R3HDM2: variants seen among roughly 807,000 people sequenced by gnomAD.
R3HDM2 encodes R3H domain-containing protein 2.
In R3HDM2, 38 loss-of-function variants were observed where a neutral mutation model predicts 124.5. The ratio of observed to expected loss-of-function variants is 0.31; its 90% CI spans 0.24 to 0.40. The LOEUF (loss-of-function observed/expected upper bound fraction) is 0.40. Among genes scored for constraint, R3HDM2 ranks in the 10% least tolerant of loss-of-function variants. The probability of loss-of-function intolerance (pLI) is 1.00; values close to 1 mark genes in which losing one functional copy is unlikely to be tolerated. For missense variants in R3HDM2, 869 were observed against 1,236.9 expected, an observed-to-expected ratio of 0.70 and a Z score of 4.46; for synonymous variants, 391 against 448.0, an observed-to-expected ratio of 0.87 and a Z score of 1.61.
At chr12:57,294,082 T>C (rs2049210147) in intron 10 of R3HDM2, among the ~76,000 whole-genome samples, 1 of 152,186 alleles carries the variant, frequency 6.6e-6, no homozygotes, top group South Asian at 2.1e-4. Context: ...GTGGGGATAA[T>C]AACCCCCATC....
rs199693612 is a variant in R3HDM2 at position 57,255,034 on chromosome 12, G to C, written c.2712C>G (p.Leu904=). The part of the protein sequence containing the change: ...RTEADKLFTQ[L]AMSGAKIQWL... Reference sequence around the variant, plus strand: ...ACTGGATCTTGGCGCCAGACATGGCGAGCTGCGTGAAGAGTTTGTCCGCCT... The same window carrying C: ...ACTGGATCTTGGCGCCAGACATGGCCAGCTGCGTGAAGAGTTTGTCCGCCT... The change falls in exon 24 of 24, where the codon CTC becomes CTG. Residue 904 remains leucine, a synonymous_variant. Transcript: ENST00000402412. 18 of 1,613,574 alleles carry C rather than the reference G, an allele frequency of 1.1e-5. No homozygotes were observed. The African/African-American group carries it at 1.7e-4, about 16-fold the overall frequency.
intron 1 of R3HDM2, among the ~76,000 whole-genome samples, chr12:57,401,901 T>G (rs769724491): frequency 6.6e-6 from 1 of 151,180 alleles, no homozygotes; most frequent in Non-Finnish European, 1.5e-5. Flanking sequence ...AGGAGATCAC[T>G]TAGACCCGGG....
chr12:57,272,023 T>C (rs1565899431), intron 14 of R3HDM2, among the ~76,000 whole-genome samples: 1 of 152,088 alleles, frequency 6.6e-6, no homozygotes, highest in Non-Finnish European at 1.5e-5. Context: ...GCCTCTCAAG[T>C]AGCTAGGACT....
At chr12:57,260,322 G>A (rs2040454763) in intron 19 of R3HDM2, among the ~76,000 whole-genome samples, 1 of 138,870 alleles carries the variant, frequency 7.2e-6, no homozygotes, top group Non-Finnish European at 1.5e-5. Flanking sequence ...TGAAATTAGG[G>A]CAATGCCAGC....
chr12:57,410,687 T>C (rs2068931023), intron 1 of R3HDM2, among the ~76,000 whole-genome samples: 1 of 152,140 alleles, frequency 6.6e-6, no homozygotes, highest in Admixed American at 6.6e-5. Context: ...ACCCTGTCTC[T>C]GCAGAAAAAT....
chr12:57,410,302 G>T (rs1594571735), intron 1 of R3HDM2, among the ~76,000 whole-genome samples: 2 of 145,332 alleles, frequency 1.4e-5, no homozygotes, highest in African/African-American at 2.6e-5. Flanking sequence ...ACATTACCAG[G>T]GAGGTAGTAT....
Position 57,256,452 on chromosome 12 carries a change from G to C in R3HDM2, c.2509C>G (p.Pro837Ala). ...TAAGTTGACTGGCCATGGAGCAAGGGAGGGCAGATGGACAGATTGTACTGT... is the reference window on the plus strand; with the variant it reads ...TAAGTTGACTGGCCATGGAGCAAGGCAGGGCAGATGGACAGATTGTACTGT... ...PLQYNLSICP[P>A]LLHGQSTYTV... The change falls in exon 22 of 24, where the codon CCC becomes GCC. Residue 837 changes from proline to alanine, a missense_variant. Around this residue, in one of 2 missense-constraint regions of R3HDM2, gnomAD observed 602 missense variants for 789.2 expected, o/e 0.76. Coordinates refer to ENST00000402412, the MANE Select transcript of R3HDM2 (RefSeq NM_001394031.1). 6.3e-7 allele frequency: 1 copy of C among 1,599,684 alleles called. No homozygotes were observed. Among genetic ancestry groups the C allele is most frequent in the Non-Finnish European group, 8.5e-7 (1 of 1,172,828 alleles).
intron 1 of R3HDM2, among the ~76,000 whole-genome samples, chr12:57,411,375 G>A (rs182972240): frequency 6.6e-6 from 1 of 152,218 alleles, no homozygotes; most frequent in East Asian, 1.9e-4. Context: ...TGTTCACCAG[G>A]CTGGTCTCAA....
intron 2 of R3HDM2, among the ~76,000 whole-genome samples, chr12:57,355,428 C>T (rs1256770539): frequency 3.5e-5 from 5 of 141,980 alleles, no homozygotes; most frequent in African/African-American, 5.3e-5. Context: ...CACTGCACTC[C>T]AGCCTGGGCA....
Position 57,339,749 on chromosome 12 carries a change from G to A in R3HDM2, c.-35-29286C>T, listed in dbSNP as rs73133366. 7.7e-3 allele frequency among the ~76,000 whole-genome samples: 1,173 copies of A among 152,006 alleles called. 3 individuals carry two copies. Among genetic ancestry groups the A allele is most frequent in the Middle Eastern group, 0.021 (6 of 292 alleles). Reference sequence around the variant, plus strand: ...GGAGAAGCTGTTAACAGTGAGAGCTGTTAAGGGAGTGGGCTAGGAGAGGAA... The same window carrying A: ...GGAGAAGCTGTTAACAGTGAGAGCTATTAAGGGAGTGGGCTAGGAGAGGAA... On this transcript the variant is annotated intron_variant, in intron 2 of 23. Transcript: ENST00000402412.
intron 1 of R3HDM2, among the ~76,000 whole-genome samples, chr12:57,401,722 G>A (rs1479417470): frequency 6.6e-6 from 1 of 152,164 alleles, no homozygotes; most frequent in Non-Finnish European, 1.5e-5. Context: ...AGTGGCTCAT[G>A]CCTGTAATCC....
chr12:57,360,576 T>C (rs975839390), intron 2 of R3HDM2, among the ~76,000 whole-genome samples: 6 of 151,226 alleles, frequency 4.0e-5, no homozygotes, highest in Non-Finnish European at 5.9e-5. Context: ...GAGCCCTCAT[T>C]ATGCCACTGT....
At chr12:57,355,116 G>T (rs892688014) in intron 2 of R3HDM2, among the ~76,000 whole-genome samples, 9 of 150,960 alleles carry the variant, frequency 6.0e-5, no homozygotes, top group Admixed American at 2.0e-4. Flanking sequence ...ATTTTTTGAT[G>T]TAAGTTTGAA....
At chr12:57,330,600 C>T (rs1362153010) in intron 2 of R3HDM2, among the ~76,000 whole-genome samples, 21 of 145,100 alleles carry the variant, frequency 1.4e-4, no homozygotes, top group Middle Eastern at 4.2e-3. Flanking sequence ...CCGCCTTGGC[C>T]TCCCAAAGTG....
At chr12:57,384,888 C>T (rs1365404003) in intron 2 of R3HDM2, among the ~76,000 whole-genome samples, 2 of 152,086 alleles carry the variant, frequency 1.3e-5, no homozygotes, top group East Asian at 1.9e-4. Context: ...GTCGCTCACA[C>T]GTGTAATGCC....
chr12:57,261,744 T>G (rs183085468), intron 19 of R3HDM2, among the ~76,000 whole-genome samples: 28 of 136,516 alleles, frequency 2.1e-4, no homozygotes, highest in African/African-American at 7.7e-4. Context: ...TCACTACTTC[T>G]TAATAGACGT....
chr12:57,416,077 G>T (rs1396618875), intron 1 of R3HDM2, among the ~76,000 whole-genome samples: 1 of 152,058 alleles, frequency 6.6e-6, no homozygotes, highest in Non-Finnish European at 1.5e-5. Flanking sequence ...CTTAATAATG[G>T]TATTGTGGAA....
At chr12:57,305,565 A>G in intron 3 of R3HDM2, 2 of 398,734 alleles carry the variant, frequency 5.0e-6, no homozygotes, top group Non-Finnish European at 8.9e-6. Flanking sequence ...TAACAGCCAA[A>G]CATATATTAA....
chr12:57,372,926 C>G (rs1420520304), intron 2 of R3HDM2, among the ~76,000 whole-genome samples: 1 of 152,226 alleles, frequency 6.6e-6, no homozygotes, highest in African/African-American at 2.4e-5. Context: ...CCAACTCTGG[C>G]CAAGCATGGG....
Sources: allele counts gnomAD v4.1 joint callset (sites outside exome capture counted in the v4.1 genomes callset), GRCh38; gene constraint gnomAD v4.1.1; regional missense constraint gnomAD v4.1.1; transcripts MANE v1.5; gene names NCBI Gene and HGNC (gene_info 2026-07-23, HGNC 2026-07-21).